ARHGAP18: variants seen among roughly 807,000 people sequenced by gnomAD.
The protein encoded by ARHGAP18 is Rho GTPase activating protein 18.
In ARHGAP18, 67 loss-of-function variants were observed where a neutral mutation model predicts 86.2. That is an observed-to-expected ratio of 0.78 (90% confidence interval 0.64 to 0.95). The LOEUF is 0.95. ARHGAP18 is among the 40% of genes least tolerant of loss of function. The pLI, the probability that ARHGAP18 is intolerant of heterozygous loss-of-function variation, is 0.00. For missense variants in ARHGAP18, 691 were observed against 780.4 expected (o/e 0.89, Z 1.37); for synonymous variants, 283 against 280.4 (o/e 1.01, Z -0.09).
intron 12 of ARHGAP18, among the ~76,000 whole-genome samples, chr6:129,598,398 A>T (rs1313750490): frequency 6.6e-6 from 1 of 152,222 alleles, no homozygotes; most frequent in Non-Finnish European, 1.5e-5. Flanking sequence ...AATTCAGACA[A>T]AGGCAGATAA....
chr6:129,625,719 A>T (rs1789419918), intron 5 of ARHGAP18, among the ~76,000 whole-genome samples: 1 of 62,962 alleles, frequency 1.6e-5, no homozygotes, highest in Non-Finnish European at 2.7e-5. Context: ...ATATATTTAT[A>T]TATTATATAT....
At chr6:129,694,200 T>A (rs1039631883) in intron 1 of ARHGAP18, among the ~76,000 whole-genome samples, 1 of 152,194 alleles carries the variant, frequency 6.6e-6, no homozygotes, top group African/African-American at 2.4e-5. Flanking sequence ...CTGTATACAC[T>A]TGAAGAAATA....
chr6:129,634,714 T>C (rs1272000114), intron 3 of ARHGAP18, among the ~76,000 whole-genome samples: 1 of 151,898 alleles, frequency 6.6e-6, no homozygotes. Flanking sequence ...TTGGAGACAA[T>C]AAAAATGTGC....
At chr6:129,591,929 A>G (rs947206662) in intron 12 of ARHGAP18, among the ~76,000 whole-genome samples, 1 of 152,238 alleles carries the variant, frequency 6.6e-6, no homozygotes, top group Non-Finnish European at 1.5e-5. Context: ...AAGTGGTGAT[A>G]TAAAAGGAAT....
At chr6:129,586,074 G>C (rs1788390023) in intron 12 of ARHGAP18, among the ~76,000 whole-genome samples, 1 of 152,166 alleles carries the variant, frequency 6.6e-6, no homozygotes, top group South Asian at 2.1e-4. Flanking sequence ...ATTTCATGTG[G>C]TACAAAGCAG....
At chr6:129,627,758 G>C (rs1250792334) in intron 5 of ARHGAP18, among the ~76,000 whole-genome samples, 1 of 152,022 alleles carries the variant, frequency 6.6e-6, no homozygotes, top group Non-Finnish European at 1.5e-5. Flanking sequence ...TACAACACAT[G>C]ACCCTTATTT....
chr6:129,600,071 G>A (rs9321174), intron 11 of ARHGAP18, among the ~76,000 whole-genome samples: 47,637 of 151,878 alleles, frequency 0.31, 7,708 homozygotes, highest in Non-Finnish European at 0.36. Flanking sequence ...ATGTTTGGAA[G>A]CTCCTCAAAT....
chr6:129,613,005 G>A (rs13204143), intron 7 of ARHGAP18, among the ~76,000 whole-genome samples: 15,400 of 152,004 alleles, frequency 0.1, 1,073 homozygotes, highest in Middle Eastern at 0.17. Flanking sequence ...AGGGCGAGGC[G>A]GGCGGATCAC....
intron 1 of ARHGAP18, among the ~76,000 whole-genome samples, chr6:129,659,889 G>A (rs550610145): frequency 6.6e-6 from 1 of 152,302 alleles, no homozygotes; most frequent in African/African-American, 2.4e-5. Context: ...GACATGAGCC[G>A]GAGGTTGAGT....
intron 5 of ARHGAP18, among the ~76,000 whole-genome samples, chr6:129,620,602 C>T (rs546137976): frequency 6.6e-6 from 1 of 152,314 alleles, no homozygotes; most frequent in East Asian, 1.9e-4. Context: ...TGATCATTCT[C>T]TTACAGTTTG....
chr6:129,606,964 G>C (rs1313658131), intron 9 of ARHGAP18, among the ~76,000 whole-genome samples: 1 of 151,728 alleles, frequency 6.6e-6, no homozygotes, highest in Non-Finnish European at 1.5e-5. Flanking sequence ...AGGTTCAAGT[G>C]ATTCTCTGCC....
At chr6:129,673,280 A>G (rs1442940069) in intron 1 of ARHGAP18, among the ~76,000 whole-genome samples, 1 of 149,062 alleles carries the variant, frequency 6.7e-6, no homozygotes, top group East Asian at 2.0e-4. Context: ...TCCCTTGTTA[A>G]TTTCTTTCTC....
At chr6:129,672,187 C>T (rs976781803) in intron 1 of ARHGAP18, among the ~76,000 whole-genome samples, 1 of 152,160 alleles carries the variant, frequency 6.6e-6, no homozygotes, top group Non-Finnish European at 1.5e-5. Context: ...TCAAATTTAA[C>T]CGTCTGTGTC....
chr6:129,597,112 C>A (rs1414068396), intron 12 of ARHGAP18, among the ~76,000 whole-genome samples: 2 of 151,848 alleles, frequency 1.3e-5, no homozygotes, highest in East Asian at 3.9e-4. Context: ...AATAAAATGG[C>A]ATAATTTTTT....
intron 4 of ARHGAP18, among the ~76,000 whole-genome samples, chr6:129,629,961 A>G (rs997317961): frequency 6.6e-6 from 1 of 152,196 alleles, no homozygotes; most frequent in African/African-American, 2.4e-5. Context: ...CTCTGAGTGG[A>G]TCAGTTTCCT....
At chr6:129,625,357 T>A (rs1176662860) in intron 5 of ARHGAP18, among the ~76,000 whole-genome samples, 5 of 68,082 alleles carry the variant, frequency 7.3e-5, no homozygotes, top group East Asian at 4.6e-4. Context: ...GTAATATATA[T>A]TATGTATATT....
rs78705894 is a variant in ARHGAP18 at position 129,581,369 on chromosome 6, C to T, written c.1839-1238G>A. 1.1e-3 allele frequency among the ~76,000 whole-genome samples: 171 copies of T among 152,292 alleles called. 4 individuals carry two copies. In the East Asian group the frequency reaches 0.032, roughly 28 times the overall value. On this transcript the variant is annotated intron_variant, in intron 13 of 14. Coordinates refer to ENST00000368149, the MANE Select transcript of ARHGAP18 (RefSeq NM_033515.3). ...TGCATCTGATCCACTTTGTTTCCAA[C>T]TACAGTGTAGGTTTATCTTTTAAAT...
chr6:129,595,338 G>T (rs1788595384), intron 12 of ARHGAP18, among the ~76,000 whole-genome samples: 2 of 152,120 alleles, frequency 1.3e-5, no homozygotes, highest in Non-Finnish European at 2.9e-5. Flanking sequence ...GTATAGATAT[G>T]CCATAATGTA....
chr6:129,703,853 A>G (rs1435119319), intron 1 of ARHGAP18, among the ~76,000 whole-genome samples: 1 of 152,256 alleles, frequency 6.6e-6, no homozygotes, highest in Non-Finnish European at 1.5e-5. Context: ...TTTAGTCACT[A>G]AATTCTATGA....
Sources: allele counts gnomAD v4.1 joint callset (sites outside exome capture counted in the v4.1 genomes callset), GRCh38; gene constraint gnomAD v4.1.1; transcripts MANE v1.5; gene names NCBI Gene and HGNC (gene_info 2026-07-23, HGNC 2026-07-21).